The following SUMF1 variants were observed in gnomAD, a reference collection of about 807,000 sequenced individuals.
SUMF1 encodes formylglycine-generating enzyme.
In SUMF1, 48 loss-of-function variants were observed where a neutral mutation model predicts 47.6. The ratio of observed to expected loss-of-function variants is 1.01; its 90% confidence interval spans 0.80 to 1.28. The LOEUF is 1.28. Ranked by LOEUF, SUMF1 falls within the 50% of genes most tolerant of loss-of-function variation. The pLI is 0.00. For missense variants in SUMF1, 571 were observed against 485.4 expected (o/e 1.18, Z -1.66); for synonymous variants, 230 against 192.1 (o/e 1.20, Z -1.63).
At chr3:4,083,287 G>C (rs1692604794) in intron 8 of SUMF1, among the ~76,000 whole-genome samples, 1 of 152,118 alleles carries the variant, frequency 6.6e-6, no homozygotes, top group African/African-American at 2.4e-5. Context: ...CATGACATTT[G>C]AGTTAATACC....
chr3:4,136,332 C>A (rs1043911980), intron 8 of SUMF1, among the ~76,000 whole-genome samples: 3 of 152,114 alleles, frequency 2.0e-5, no homozygotes, highest in Admixed American at 6.6e-5. Context: ...CTACAACCAT[C>A]TGATCTTTGA....
intron 8 of SUMF1, among the ~76,000 whole-genome samples, chr3:4,215,863 A>G (rs1695911581): frequency 6.6e-6 from 1 of 152,188 alleles, no homozygotes; most frequent in Non-Finnish European, 1.5e-5. Flanking sequence ...CAGGAGAACT[A>G]CAAACCACTG....
chr3:4,136,969 A>T (rs890245088), intron 8 of SUMF1, among the ~76,000 whole-genome samples: 1 of 152,110 alleles, frequency 6.6e-6, no homozygotes, highest in African/African-American at 2.4e-5. Flanking sequence ...AAGTCAAGAA[A>T]CAACAGATGC....
chr3:4,130,975 C>T (rs1693775291), intron 8 of SUMF1, among the ~76,000 whole-genome samples: 2 of 152,070 alleles, frequency 1.3e-5, no homozygotes, highest in African/African-American at 4.8e-5. Flanking sequence ...CTTTGGCAGG[C>T]CCCCATAGGT....
intron 7 of SUMF1, among the ~76,000 whole-genome samples, chr3:4,392,871 C>T (rs568135193): frequency 6.6e-6 from 1 of 151,730 alleles, no homozygotes; most frequent in South Asian, 2.1e-4. Context: ...ATTTGTGTTG[C>T]ATACTTGAAC....
At chr3:4,441,064 T>C (rs1475122849) in intron 3 of SUMF1, among the ~76,000 whole-genome samples, 3 of 152,204 alleles carry the variant, frequency 2.0e-5, no homozygotes, top group Non-Finnish European at 2.9e-5. Flanking sequence ...CTGTGGCCTA[T>C]TGGGAACCGG....
intron 8 of SUMF1, among the ~76,000 whole-genome samples, chr3:4,349,254 C>T (rs1292903848): frequency 1.3e-5 from 2 of 152,194 alleles, no homozygotes; most frequent in Non-Finnish European, 2.9e-5. Context: ...AAAAGCTCAA[C>T]ATCACTGATC....
At chr3:4,424,650 A>G (rs1225695838) in intron 3 of SUMF1, among the ~76,000 whole-genome samples, 1 of 152,224 alleles carries the variant, frequency 6.6e-6, no homozygotes. Flanking sequence ...GGAATACTAT[A>G]CGGCTAGTTA....
intron 8 of SUMF1, chr3:4,303,572 C>T (rs1698041981): frequency 7.4e-7 from 1 of 1,344,978 alleles, no homozygotes; most frequent in African/African-American, 1.5e-5. Flanking sequence ...CGCGGCTCCC[C>T]CACGTGGTCT....
chr3:4,377,809 T>C (rs899899038), intron 7 of SUMF1, among the ~76,000 whole-genome samples: 5 of 152,182 alleles, frequency 3.3e-5, no homozygotes. Context: ...GGGATTTATC[T>C]CCTTTTTTTG....
At chr3:4,265,983 G>A (rs1228543420) in intron 8 of SUMF1, among the ~76,000 whole-genome samples, 4 of 152,000 alleles carry the variant, frequency 2.6e-5, no homozygotes, top group African/African-American at 9.7e-5. Flanking sequence ...TTATTAAATA[G>A]GGAATCCTTT....
chr3:4,231,611 G>A (rs1230311293), intron 8 of SUMF1, among the ~76,000 whole-genome samples: 2 of 152,112 alleles, frequency 1.3e-5, no homozygotes, highest in Non-Finnish European at 2.9e-5. Flanking sequence ...TGCTTTGCAT[G>A]CAAAGAAGGG....
At chr3:4,436,002 C>T (rs1020090817) in intron 3 of SUMF1, among the ~76,000 whole-genome samples, 3 of 152,100 alleles carry the variant, frequency 2.0e-5, no homozygotes, top group African/African-American at 7.2e-5. Context: ...ATGTACGAGG[C>T]GGGGTGCAGT....
chr3:4,287,777 T>A (rs987660120), intron 8 of SUMF1, among the ~76,000 whole-genome samples: 1 of 152,232 alleles, frequency 6.6e-6, no homozygotes, highest in Non-Finnish European at 1.5e-5. Context: ...AAGAATATAG[T>A]GCTTTTCCTT....
chr3:4,094,763 C>T (rs543344205), intron 8 of SUMF1, among the ~76,000 whole-genome samples: 51 of 152,164 alleles, frequency 3.4e-4, no homozygotes, highest in African/African-American at 1.2e-3. Context: ...TAATGTAATA[C>T]TTATAGTTAG....
At chr3:4,160,583 T>A (rs1024350833) in intron 8 of SUMF1, among the ~76,000 whole-genome samples, 1 of 152,088 alleles carries the variant, frequency 6.6e-6, no homozygotes, top group African/African-American at 2.4e-5. Flanking sequence ...TGTCTTCTGT[T>A]TGATCACTTC....
At chr3:4,343,182 G>A (rs1575113416) in intron 8 of SUMF1, among the ~76,000 whole-genome samples, 1 of 152,224 alleles carries the variant, frequency 6.6e-6, no homozygotes, top group Non-Finnish European at 1.5e-5. Context: ...GGAGGCTGAT[G>A]AGACTGGATA....
chr3:4,046,518 C>G (rs766215034), intron 9 of SUMF1, among the ~76,000 whole-genome samples: 4 of 152,026 alleles, frequency 2.6e-5, no homozygotes, highest in Non-Finnish European at 5.9e-5. Context: ...CTTCTCCCAG[C>G]CTTCTTCGTC....
At chr3:4,242,014 T>C (rs1039904718) in intron 8 of SUMF1, among the ~76,000 whole-genome samples, 4 of 152,094 alleles carry the variant, frequency 2.6e-5, no homozygotes, top group Non-Finnish European at 5.9e-5. Flanking sequence ...CACACGTGCT[T>C]GGAAAGGAAA....
Sources: allele counts gnomAD v4.1 joint callset (sites outside exome capture counted in the v4.1 genomes callset), GRCh38; gene constraint gnomAD v4.1.1; transcripts MANE v1.5; gene names NCBI Gene and HGNC (gene_info 2026-07-23, HGNC 2026-07-21).